The following GOLGA2 variants were observed in gnomAD, a reference collection of about 807,000 sequenced individuals.
GOLGA2 encodes golgin A2.
A neutral mutation model predicts 148.8 loss-of-function variants in GOLGA2; 49 were observed. The observed-to-expected ratio is 0.33, with a 90% CI of 0.26 to 0.42. The LOEUF (loss-of-function observed/expected upper bound fraction) is 0.42, where lower values mean the gene tolerates loss of function less well. Among genes scored for constraint, GOLGA2 ranks in the 10% least tolerant of loss-of-function variants. GOLGA2 has a pLI of 1.00. For missense variants in GOLGA2, 1,178 were observed against 1,304.6 expected, an observed-to-expected ratio of 0.90 and a Z score of 1.49; for synonymous variants, 501 against 511.8, an observed-to-expected ratio of 0.98 and a Z score of 0.28.
intron 8 of GOLGA2, 47 bp downstream of exon 8, chr9:128,267,147 G>T: frequency 8.1e-7 from 1 of 1,228,640 alleles, no homozygotes; most frequent in Non-Finnish European, 1.2e-6. Context: ...GGAAACTGGA[G>T]CCCAGGATTA....
At position 128,256,710 on chromosome 9, in the gene GOLGA2, C is replaced by A; in HGVS notation, c.*357G>T. The A allele has an allele frequency of 6.3e-6, 1 of 159,874 alleles. No homozygotes were observed. The highest frequency in any genetic ancestry group is 1.4e-5 in the Non-Finnish European group (1 of 73,476). 9.9% of individuals were successfully genotyped at this position (159,874 alleles called of 1,614,324 possible). ...ATTTTTAGTAGAGACACAGTTTCAC[C>A]ATGTTGACCAGGCTGGTCTTGAACT... On this transcript the variant is annotated 3_prime_UTR_variant, in exon 27 of 27. Coordinates refer to ENST00000611957, the MANE Select transcript of GOLGA2 (RefSeq NM_001366244.2).
chr9:128,257,805 C>T lies in GOLGA2; in HGVS notation c.2596G>A (p.Glu866Lys), dbSNP rs1207339068. ...TCCCACTCACCAATGGTGTCTGTCTCTCCAGAAAGCTGGATGCAGCGATGT... is the reference window on the plus strand; with the variant it reads ...TCCCACTCACCAATGGTGTCTGTCTTTCCAGAAAGCTGGATGCAGCGATGT... The part of the protein sequence containing the change: ...LEHRCIQLSG[E>K]TDTIGEYIAL... The change falls in exon 24 of 27, where the codon GAG (glutamate) becomes AAG (lysine). Residue 866 changes from glutamate (E) to lysine (K), a missense_variant. Coordinates refer to ENST00000611957, the MANE Select transcript of GOLGA2 (RefSeq NM_001366244.2). This position sits in a 1 kb window ranked among gnomAD's most constrained non-coding sequence, Gnocchi z 8.0. The T allele has an allele frequency of 6.2e-7, 1 of 1,614,102 alleles. No homozygotes were observed. The highest frequency in any genetic ancestry group is 1.7e-5 in the Admixed American group (1 of 60,028).
At chr9:128,275,502 G>C (rs1831268470) in intron 1 of GOLGA2, 6 of 1,308,892 alleles carry the variant, frequency 4.6e-6, no homozygotes, top group Middle Eastern at 2.1e-4. Context: ...AGGAGGTGAG[G>C]GTCGAGTCTG....
intron 4 of GOLGA2, 100 bp from the exon 5 acceptor site, chr9:128,268,260 A>C: frequency 8.3e-7 from 1 of 1,211,302 alleles, no homozygotes; most frequent in Non-Finnish European, 1.2e-6. Flanking sequence ...ACAATCTTCA[A>C]TCTCCCCAGG....
At chr9:128,272,071 T>C (rs953277306) in intron 3 of GOLGA2, among the ~76,000 whole-genome samples, 1 of 148,860 alleles carries the variant, frequency 6.7e-6, no homozygotes, top group African/African-American at 2.5e-5. Context: ...AACTTCTAGG[T>C]GGTTTACTGA....
chr9:128,262,615 T>G lies in GOLGA2; in HGVS notation c.1082A>C (p.Asn361Thr). 1 of 1,614,066 alleles carries G rather than the reference T, an allele frequency of 6.2e-7. No homozygotes were observed. The highest frequency in any genetic ancestry group is 8.5e-7 in the Non-Finnish European group (1 of 1,179,882). The part of the protein sequence containing the change: ...LVTEKAGMQL[N>T]LEELQKKLEM... ...TAACTTCTTTTGCAATTCTTCCAAG[T>G]TAAGCTGCATGCCAGCCTTCTCAGT... Residue 361 changes from asparagine (N) to threonine (T), a missense_variant, in exon 14 of 27, where the codon AAC becomes ACC. By Grantham distance (65) the Asn-to-Thr change is moderately conservative (BLOSUM62 0). This residue lies in a region of GOLGA2 where 304 missense variants were observed against 404.1 expected (regional missense o/e 0.75). Coordinates refer to ENST00000611957, the MANE Select transcript of GOLGA2 (RefSeq NM_001366244.2).
At chr9:128,267,907 C>T (rs369237139) in intron 6 of GOLGA2, 27 bp downstream of exon 6, 13 of 1,567,480 alleles carry the variant, frequency 8.3e-6, no homozygotes, top group African/African-American at 4.1e-5. Context: ...CCCCCCACCC[C>T]GCTCTCGGCC....
In GOLGA2 at chr9:128,265,604, T is replaced by C; in HGVS notation, c.914A>G (p.Gln305Arg). The stretch of plus-strand genomic sequence containing the variant: ...ACTCACCCTGTCTGCCTTCTTCTGC[T>C]GCGTGGAGACAGCAGAGAGAGCCCG... ...LERALSAVST[Q>R]QKKADRYNKE... Residue 305 changes from glutamine (Q) to arginine (R), a missense_variant, in exon 12 of 27, where the codon CAG (glutamine) becomes CGG (arginine). Coordinates refer to ENST00000611957, the MANE Select transcript of GOLGA2 (RefSeq NM_001366244.2). 6.2e-7 allele frequency: 1 copy of C among 1,613,172 alleles called. No homozygotes were observed.
At chr9:128,264,002 A>AT (rs1564365539) in intron 12 of GOLGA2, among the ~76,000 whole-genome samples, 4 of 149,480 alleles carry the variant, frequency 2.7e-5, no homozygotes, top group Admixed American at 1.3e-4. Flanking sequence ...TAAAAAAAAA[A>AT]AAAATACAAA....
Position 128,257,440 on chromosome 9 carries a change from TG to T in GOLGA2, c.2803del (p.Gln935ArgfsTer29). 6.2e-7 allele frequency: 1 copy of T among 1,612,922 alleles called. No individual in the cohort carries two copies. The highest frequency in any genetic ancestry group is 8.5e-7 in the Non-Finnish European group (1 of 1,179,986). The stretch of plus-strand genomic sequence containing the variant: ...TGAAGTGGGCTCATCAGCAGGGTTC[TG>T]GGCAGCTGCCAGGAATCTGCCATGC... ...EWHGRFLAAA[Q>X]NPADEPTSGA... is the part of the protein sequence containing the mutation. On this transcript the variant is annotated frameshift_variant, in exon 26 of 27. Coordinates refer to ENST00000611957, the MANE Select transcript of GOLGA2 (RefSeq NM_001366244.2). LOFTEE classifies it high-confidence loss of function. This position sits in a 1 kb window ranked among gnomAD's most constrained non-coding sequence, Gnocchi z 8.0.
At position 128,261,226 on chromosome 9, in the gene GOLGA2, T is replaced by C. The variant is rs16912752; in HGVS notation, c.1366A>G (p.Met456Val). The change falls in exon 17 of 27, where the codon ATG becomes GTG. Residue 456 changes from methionine to valine, a missense_variant. Met to Val is a conservative substitution (Grantham distance 21, BLOSUM62 1). Coordinates refer to ENST00000611957, the MANE Select transcript of GOLGA2 (RefSeq NM_001366244.2). The surrounding 1 kb of genome is among the most constrained non-coding windows in gnomAD (Gnocchi z 5.7). The stretch of plus-strand genomic sequence containing the variant: ...GTCTCCAGCTCCTGTACCCGACTCA[T>C]GCTACATTCCTTCTCCTCTCTCAAT... ...HTLREEKECSMSRVQELETSL... is the reference protein window; with the variant it reads ...HTLREEKECSVSRVQELETSL... 27,628 of 1,613,858 alleles carry C rather than the reference T, an allele frequency of 0.017. 3,892 individuals carry two copies. In the African/African-American group the frequency reaches 0.32, roughly 19 times the overall value.
intron 3 of GOLGA2, among the ~76,000 whole-genome samples, chr9:128,269,362 C>T (rs949581284): frequency 1.3e-5 from 2 of 151,994 alleles, no homozygotes; most frequent in Non-Finnish European, 2.9e-5. Context: ...ATGGCCAACA[C>T]CCCCACCCCG....
chr9:128,258,691 GTTCT>G lies in GOLGA2; in HGVS notation c.2174-125_2174-122del. ...CCTCCCCAGAGGGAAATAAGCATCT[GTTCT>G]TTATTTTTATTTTATTCTTTTTTAA... On this transcript the variant is annotated intron_variant, in intron 21 of 26. Transcript: ENST00000611957. The surrounding 1 kb of genome is among the most constrained non-coding windows in gnomAD (Gnocchi z 6.6). 2.8e-6 allele frequency: 2 copies of G among 708,460 alleles called. No individual in the cohort carries two copies. The highest frequency in any genetic ancestry group is 4.7e-6 in the Non-Finnish European group (2 of 428,530). 43.9% of individuals were successfully genotyped at this position (708,460 alleles called of 1,614,324 possible).
rs1355872733 is a variant in GOLGA2, at chr9:128,267,949, A to G, written c.486T>C (p.Asn162=). The G allele has an allele frequency of 6.2e-7, 1 of 1,611,906 alleles. No individual in the cohort carries two copies. The change falls in exon 6 of 27, where the codon AAT becomes AAC. Residue 162 remains asparagine, a synonymous_variant. Coordinates refer to ENST00000611957, the MANE Select transcript of GOLGA2 (RefSeq NM_001366244.2). ...ESLRQLSQQL[N]GLVCESATCV... ...CCTGAGGTACCTCACAAACAAGACC[A>G]TTGAGCTGTTGGGAGAGTTGTCGCA...
rs930228194 is a variant in GOLGA2 at position 128,256,843 on chromosome 9, A to G, written c.*224T>C. ...AGTTACCCATAACCTTTTTTATCCC[A>G]TAACTTTTTTTAATCCCATAACTTT... On this transcript the variant is annotated 3_prime_UTR_variant, in exon 27 of 27. Coordinates refer to ENST00000611957, the MANE Select transcript of GOLGA2 (RefSeq NM_001366244.2). 2.5e-5 allele frequency: 10 copies of G among 406,484 alleles called. No homozygotes were observed. The highest frequency in any genetic ancestry group is 4.6e-4 in the Middle Eastern group (1 of 2,156). The allele number at this position is 406,484 out of a possible 1,614,324, so 25.2% of individuals were successfully genotyped here.
intron 3 of GOLGA2, 80 bp downstream of exon 3, chr9:128,272,705 T>C: frequency 2.9e-6 from 1 of 347,666 alleles, no homozygotes; most frequent in Non-Finnish European, 5.1e-6. Flanking sequence ...AGAGGCAAAG[T>C]ATCCCCCAAA....
intron 19 of GOLGA2, among the ~76,000 whole-genome samples, 181 bp from the exon 20 acceptor site, chr9:128,259,572 C>T (rs1331039173): frequency 6.6e-6 from 1 of 152,230 alleles, no homozygotes; most frequent in Non-Finnish European, 1.5e-5. Context: ...ATTTCACATC[C>T]TTCTTCCCAC....
rs764571132 is a variant in GOLGA2, at chr9:128,266,318, T to C, written c.650A>G (p.Gln217Arg). Residue 217 changes from glutamine to arginine, a missense_variant, in exon 9 of 27, where the codon CAG becomes CGG. This residue lies in a region of GOLGA2 where 304 missense variants were observed against 404.1 expected (regional missense o/e 0.75). Transcript: ENST00000611957. The surrounding 1 kb of genome is among the most constrained non-coding windows in gnomAD (Gnocchi z 4.2). ...LNITIEKLKQ[Q>R]NQEITDQLEE... is the part of the protein sequence containing the mutation. ...CAACTGATCCGTAATTTCTTGGTTC[T>C]GTTGTTTCTGTGGGGAAGAGTCAAA... 14 of 1,613,170 alleles carry C rather than the reference T, an allele frequency of 8.7e-6. No homozygotes were observed. Among genetic ancestry groups the C allele is most frequent in the Non-Finnish European group, 1.2e-5 (14 of 1,179,342 alleles).
In GOLGA2 at chr9:128,266,087, C is replaced by T. The variant is rs1830580783; in HGVS notation, c.682-67G>A. ...GAGACGGCACAGCAAGGGACATGCC[C>T]CCAGAATGCCACCAATGTCCCAGGA... is the stretch of plus-strand genomic sequence containing the variant. On this transcript the variant is annotated intron_variant, in intron 9 of 26. Transcript: ENST00000611957. The surrounding 1 kb of genome is among the most constrained non-coding windows in gnomAD (Gnocchi z 4.2). 4.8e-6 allele frequency: 7 copies of T among 1,446,178 alleles called. No homozygotes were observed. In the East Asian group the frequency reaches 1.6e-4, roughly 33 times the overall value. 89.6% of individuals were successfully genotyped at this position (1,446,178 alleles called of 1,614,324 possible).
Sources: gnomAD v4.1 joint callset for allele counts (sites outside exome capture counted in the v4.1 genomes callset) on GRCh38, gnomAD v4.1.1 for gene constraint, gnomAD v4.1.1 regional missense constraint, Gnocchi (gnomAD v3.1) non-coding constraint, MANE v1.5 for transcripts, NCBI Gene and HGNC (gene_info 2026-07-23, HGNC 2026-07-21) for gene names.